The following TAF2 variants were observed in gnomAD, a reference collection of about 807,000 sequenced individuals.
The protein encoded by TAF2 is transcription initiation factor TFIID subunit 2.
TAF2 carries 61 observed loss-of-function variants against 138.5 expected under a neutral mutation model. The observed-to-expected ratio is 0.44, with a 90% confidence interval of 0.36 to 0.54. TAF2 has a LOEUF of 0.54. Among genes scored for constraint, TAF2 ranks in the 20% least tolerant of loss-of-function variants. The pLI is 0.00. For synonymous variants in TAF2, 475 were observed against 469.9 expected, an observed-to-expected ratio of 1.01 and a Z score of -0.14; for missense variants, 1,090 against 1,427.9, an observed-to-expected ratio of 0.76 and a Z score of 3.81.
At chr8:119,816,266 C>G (rs1204313802) in intron 3 of TAF2, among the ~76,000 whole-genome samples, 3 of 151,554 alleles carry the variant, frequency 2.0e-5, no homozygotes, top group Non-Finnish European at 4.4e-5. Flanking sequence ...ACTGTGTTAG[C>G]CAGGATAGTC....
intron 3 of TAF2, among the ~76,000 whole-genome samples, chr8:119,815,375 C>T (rs1015232147): frequency 6.6e-5 from 10 of 151,462 alleles, no homozygotes; most frequent in South Asian, 2.1e-4. Context: ...CCTGGATTCA[C>T]GCCATTCTCC....
chr8:119,806,666 C>T (rs1824679467), intron 3 of TAF2, among the ~76,000 whole-genome samples: 1 of 151,954 alleles, frequency 6.6e-6, no homozygotes, highest in South Asian at 2.1e-4. Context: ...TGGTGTTTCA[C>T]CATGTTGGTC....
At chr8:119,740,718 T>C (rs547206678) in intron 25 of TAF2, among the ~76,000 whole-genome samples, 2 of 148,248 alleles carry the variant, frequency 1.3e-5, no homozygotes, top group Admixed American at 6.7e-5. Context: ...AAACTACCTA[T>C]AGAAAAACTG....
At chr8:119,737,406 A>G (rs765477398) in intron 25 of TAF2, among the ~76,000 whole-genome samples, 4 of 152,116 alleles carry the variant, frequency 2.6e-5, no homozygotes, top group Non-Finnish European at 4.4e-5. Flanking sequence ...AAGACTGACC[A>G]TGAACCAATT....
At chr8:119,764,696 G>A (rs1233284162) in intron 18 of TAF2, among the ~76,000 whole-genome samples, 1 of 152,006 alleles carries the variant, frequency 6.6e-6, no homozygotes, top group Non-Finnish European at 1.5e-5. Context: ...TTTAAGATGA[G>A]TAAAATCACT....
intron 25 of TAF2, among the ~76,000 whole-genome samples, chr8:119,740,303 G>C (rs1339167370): frequency 1.3e-5 from 2 of 151,956 alleles, no homozygotes; most frequent in Non-Finnish European, 2.9e-5. Context: ...TTGTATTCCT[G>C]ATGTATGGTA....
intron 6 of TAF2, among the ~76,000 whole-genome samples, chr8:119,800,000 T>G (rs1314154678): frequency 6.6e-6 from 1 of 152,158 alleles, no homozygotes; most frequent in South Asian, 2.1e-4. Flanking sequence ...GATGGGGTTG[T>G]TTTTTTCTTG....
chr8:119,800,751 A>T (rs1586476699), intron 6 of TAF2, among the ~76,000 whole-genome samples: 1 of 152,240 alleles, frequency 6.6e-6, no homozygotes, highest in East Asian at 1.9e-4. Context: ...AGGCAAATAT[A>T]AAAGGCAAAC....
intron 24 of TAF2, 89 bp downstream of exon 24, chr8:119,744,199 G>T: frequency 1.7e-6 from 2 of 1,202,818 alleles, no homozygotes; most frequent in Non-Finnish European, 2.5e-6. Context: ...CTGTATAGTT[G>T]TTCATTTGAA....
intron 25 of TAF2, among the ~76,000 whole-genome samples, chr8:119,736,790 A>G (rs774804511): frequency 2.0e-5 from 3 of 152,236 alleles, no homozygotes; most frequent in Non-Finnish European, 4.4e-5. Context: ...ATGCTTCCAG[A>G]CTAAAGAACA....
intron 2 of TAF2, among the ~76,000 whole-genome samples, chr8:119,828,127 C>T (rs181962270): frequency 9.9e-4 from 151 of 152,282 alleles, no homozygotes; most frequent in African/African-American, 3.4e-3. Context: ...ATCCATCCGC[C>T]TTGGCCTCCC....
intron 18 of TAF2, among the ~76,000 whole-genome samples, chr8:119,773,633 A>ACTT (rs1161596473): frequency 6.6e-6 from 1 of 151,518 alleles, no homozygotes; most frequent in Non-Finnish European, 1.5e-5. Flanking sequence ...TATAAAAATA[A>ACTT]CTTCTAAAAT....
intron 24 of TAF2, among the ~76,000 whole-genome samples, chr8:119,743,804 A>C (rs895479257): frequency 6.6e-6 from 1 of 152,196 alleles, no homozygotes; most frequent in Non-Finnish European, 1.5e-5. Flanking sequence ...AGGAAATGAC[A>C]AGGTAAATCT....
intron 2 of TAF2, among the ~76,000 whole-genome samples, chr8:119,822,586 T>G (rs927724773): frequency 1.4e-4 from 22 of 152,208 alleles, no homozygotes; most frequent in African/African-American, 5.1e-4. Flanking sequence ...TAGATATGTC[T>G]GATCCATCCA....
intron 2 of TAF2, among the ~76,000 whole-genome samples, chr8:119,825,166 T>C (rs556111707): frequency 2.0e-5 from 3 of 152,376 alleles, no homozygotes; most frequent in African/African-American, 7.2e-5. Flanking sequence ...AACCTACCTC[T>C]TGCATCAGCA....
At chr8:119,775,659 C>A (rs560710415) in intron 18 of TAF2, among the ~76,000 whole-genome samples, 3 of 151,852 alleles carry the variant, frequency 2.0e-5, no homozygotes, top group Admixed American at 6.6e-5. Context: ...ACCGAGATCA[C>A]GCCAGCGTAC....
At chr8:119,803,820 T>C (rs1427645222) in intron 5 of TAF2, 58 bp downstream of exon 5, 7 of 1,482,570 alleles carry the variant, frequency 4.7e-6, no homozygotes, top group African/African-American at 2.8e-5. Context: ...ATGTCTTGCT[T>C]ATACATAAAA....
intron 3 of TAF2, 58 bp downstream of exon 3, chr8:119,819,288 A>T: frequency 1.3e-6 from 2 of 1,567,152 alleles, no homozygotes; most frequent in Non-Finnish European, 1.7e-6. Context: ...TAATCCAATC[A>T]TTAAAAACAT....
At position 119,742,673 on chromosome 8, in the gene TAF2, G is replaced by C. The variant is rs1277967803; in HGVS notation, c.3215-17C>G. The C allele has an allele frequency of 6.2e-7, 1 of 1,612,122 alleles. No homozygotes were observed. Among genetic ancestry groups the C allele is most frequent in the African/African-American group, 1.3e-5 (1 of 74,702 alleles). ...TCGAGAGCCCTAAAATGCCAAACAAGAGAAAAAAGAGGGATTTATTTCTTT... is the reference window on the plus strand; with the variant it reads ...TCGAGAGCCCTAAAATGCCAAACAACAGAAAAAAGAGGGATTTATTTCTTT... On this transcript the variant is annotated splice_polypyrimidine_tract_variant and intron_variant, in intron 24 of 25. Coordinates refer to ENST00000378164, the MANE Select transcript of TAF2 (RefSeq NM_003184.4).
Sources: allele counts gnomAD v4.1 joint callset (sites outside exome capture counted in the v4.1 genomes callset), GRCh38; gene constraint gnomAD v4.1.1; transcripts MANE v1.5; gene names NCBI Gene and HGNC (gene_info 2026-07-23, HGNC 2026-07-21).